Variants in ITGB8 observed in about 807,000 individuals in gnomAD.
ITGB8 encodes integrin subunit beta 8.
ITGB8 carries 30 observed loss-of-function variants against 89.5 expected under a neutral mutation model. That is an observed-to-expected ratio of 0.34 (90% CI 0.25 to 0.45). The LOEUF (loss-of-function observed/expected upper bound fraction) is 0.45, where lower values mean the gene tolerates loss of function less well. Among genes scored for constraint, ITGB8 ranks in the 20% least tolerant of loss-of-function variants. The pLI is 1.00. For synonymous variants in ITGB8, 335 were observed against 320.4 expected, an observed-to-expected ratio of 1.05 and a Z score of -0.49; for missense variants, 836 against 933.3, an observed-to-expected ratio of 0.90 and a Z score of 1.36.
At chr7:20,338,281 G>A (rs778938893) in intron 1 of ITGB8, among the ~76,000 whole-genome samples, 8 of 152,168 alleles carry the variant, frequency 5.3e-5, no homozygotes, top group Non-Finnish European at 8.8e-5. Context: ...TGCTATTTGT[G>A]TTCTTGCTGT....
At chr7:20,382,153 C>A (rs1458864592) in intron 6 of ITGB8, 1 of 291,526 alleles carries the variant, frequency 3.4e-6, no homozygotes, top group East Asian at 6.4e-5. Flanking sequence ...AAAAATGATA[C>A]AAGATTTTAC....
chr7:20,412,779 G>A lies in ITGB8; in HGVS notation c.*2782G>A, dbSNP rs918304352. 1.3e-5 allele frequency: 2 copies of A among 152,568 alleles called. No individual in the cohort carries two copies. The highest frequency in any genetic ancestry group is 2.4e-5 in the African/African-American group (1 of 41,420). The allele number at this position is 152,568 out of a possible 1,614,324, so 9.5% of individuals were successfully genotyped here. Reference sequence around the variant, plus strand: ...CTTCCTGTGTAATGATTTGTGAGATGAGAATTAATATTTGACTAGTTAGAA... The same window carrying A: ...CTTCCTGTGTAATGATTTGTGAGATAAGAATTAATATTTGACTAGTTAGAA... On this transcript the variant is annotated 3_prime_UTR_variant, in exon 14 of 14. Transcript: ENST00000222573.
intron 1 of ITGB8, among the ~76,000 whole-genome samples, chr7:20,347,228 C>A (rs1583473490): frequency 6.6e-6 from 1 of 152,174 alleles, no homozygotes; most frequent in South Asian, 2.1e-4. Flanking sequence ...GTTATGGCAG[C>A]CTGAATGGAC....
intron 6 of ITGB8, among the ~76,000 whole-genome samples, chr7:20,382,993 C>T (rs1411396355): frequency 6.6e-6 from 1 of 152,226 alleles, no homozygotes; most frequent in Non-Finnish European, 1.5e-5. Context: ...CTGAATGTCA[C>T]TGTATTTCTC....
intron 8 of ITGB8, among the ~76,000 whole-genome samples, chr7:20,395,978 T>C (rs1787058036): frequency 6.6e-6 from 1 of 152,206 alleles, no homozygotes; most frequent in South Asian, 2.1e-4. Context: ...ATAGAGTCTC[T>C]TTCCCAAATT....
chr7:20,385,506 A>T (rs3807948), intron 6 of ITGB8, among the ~76,000 whole-genome samples: 15,176 of 152,184 alleles, frequency 0.1, 977 homozygotes, highest in East Asian at 0.39. Context: ...CTTTTCCTGC[A>T]GGCTCATTTG....
intron 1 of ITGB8, among the ~76,000 whole-genome samples, chr7:20,340,174 A>T (rs1468238): frequency 0.93 from 142,447 of 152,352 alleles, 66,660 homozygotes; most frequent in East Asian, 0.99. Flanking sequence ...TGTTTTATTG[A>T]TGTTTTGCTT....
chr7:20,390,621 A>ACTCAATAC (rs1245571631), intron 6 of ITGB8, among the ~76,000 whole-genome samples: 1 of 152,154 alleles, frequency 6.6e-6, no homozygotes, highest in African/African-American at 2.4e-5. Context: ...GCATAATGAT[A>ACTCAATAC]AGTTGAGAAA....
rs761126413 is a variant in ITGB8, at chr7:20,401,898, C to T, written c.1459C>T (p.Leu487=). ...AGGAAAGTGTGTAGATGAAACTTTTCTAGATTCCAAGTGTTTCCAGTGTGA... is the reference window on the plus strand; with the variant it reads ...AGGAAAGTGTGTAGATGAAACTTTTTTAGATTCCAAGTGTTTCCAGTGTGA... ...PKGKCVDETF[L]DSKCFQCDEN... Residue 487 remains leucine (L), a synonymous_variant, in exon 10 of 14, where the codon CTA becomes TTA. Transcript: ENST00000222573. 6.2e-7 allele frequency: 1 copy of T among 1,613,912 alleles called. No individual in the cohort carries two copies.
At position 20,398,981 on chromosome 7, in the gene ITGB8, C is replaced by G. The variant is rs376271288; in HGVS notation, c.1268C>G (p.Thr423Arg). The G allele has an allele frequency of 1.9e-6, 3 of 1,613,098 alleles. No homozygotes were observed. Among genetic ancestry groups the G allele is most frequent in the Non-Finnish European group, 1.7e-6 (2 of 1,179,646 alleles). The change falls in exon 9 of 14, where the codon ACG (threonine) becomes AGG (arginine). Residue 423 changes from threonine to arginine, a missense_variant. Physicochemically the swap from Thr to Arg is moderately conservative, Grantham distance 71 (BLOSUM62 -1). This residue lies in a region of ITGB8 where 422 missense variants were observed against 416.9 expected (regional missense o/e 1.01). Transcript: ENST00000222573. ...KPGMEGCRNV[T>R]SNDEVLFNVT... ...GGCATGGAAGGATGCAGAAACGTGA[C>G]GAGCAATGATGAAGTATGTGGGTGT... is the stretch of plus-strand genomic sequence containing the variant.
At chr7:20,342,890 T>C (rs1784809972) in intron 1 of ITGB8, among the ~76,000 whole-genome samples, 1 of 152,164 alleles carries the variant, frequency 6.6e-6, no homozygotes. Context: ...CAGATTAACT[T>C]AGCTGTCTCT....
At chr7:20,404,477 G>A in intron 10 of ITGB8, 151 bp from the exon 11 acceptor site, 2 of 689,114 alleles carry the variant, frequency 2.9e-6, no homozygotes, top group East Asian at 5.4e-5. Context: ...ATCCAGCACT[G>A]TTTGTGTCAG....
At chr7:20,381,590 C>T (rs1366735264) in intron 5 of ITGB8, 137 bp from the exon 6 acceptor site, 18 of 594,108 alleles carry the variant, frequency 3.0e-5, no homozygotes, top group East Asian at 8.6e-5. Context: ...GCTATTTACG[C>T]AGCAGCGTTG....
At chr7:20,379,367 T>A in intron 4 of ITGB8, 70 bp downstream of exon 4, 1 of 1,021,174 alleles carries the variant, frequency 9.8e-7, no homozygotes, top group African/African-American at 1.7e-5. Flanking sequence ...GTTTTTAATG[T>A]AAAGAACTTA....
intron 6 of ITGB8, among the ~76,000 whole-genome samples, chr7:20,391,129 A>G (rs1310018116): frequency 1.3e-5 from 2 of 152,086 alleles, no homozygotes; most frequent in African/African-American, 4.8e-5. Context: ...TCCAGTGTTA[A>G]TCTAAAGAGG....
chr7:20,375,234 C>T (rs184791111), intron 3 of ITGB8, among the ~76,000 whole-genome samples: 7 of 151,894 alleles, frequency 4.6e-5, no homozygotes, highest in African/African-American at 1.4e-4. Context: ...TATGGTCGGT[C>T]CCAAATTATA....
chr7:20,379,933 T>C (rs1786309050), intron 4 of ITGB8: 1 of 152,240 alleles, frequency 6.6e-6, no homozygotes, highest in South Asian at 2.1e-4. Context: ...TCACACAATA[T>C]TGCCATTAGC....
chr7:20,366,841 G>T, intron 2 of ITGB8, 171 bp from the exon 3 acceptor site: 2 of 548,306 alleles, frequency 3.6e-6, no homozygotes, highest in Non-Finnish European at 6.3e-6. Flanking sequence ...GATGCAGAAA[G>T]TTGGAGTAGG....
At chr7:20,349,656 C>T (rs373779111) in intron 1 of ITGB8, among the ~76,000 whole-genome samples, 3 of 152,188 alleles carry the variant, frequency 2.0e-5, no homozygotes, top group East Asian at 1.9e-4. Flanking sequence ...GGATAAACAA[C>T]TTTAACCACT....
Sources: allele counts gnomAD v4.1 joint callset (sites outside exome capture counted in the v4.1 genomes callset), GRCh38; gene constraint gnomAD v4.1.1; regional missense constraint gnomAD v4.1.1; transcripts MANE v1.5; gene names NCBI Gene and HGNC (gene_info 2026-07-23, HGNC 2026-07-21).